Variants in KCTD19 observed in about 807,000 individuals in gnomAD.
KCTD19 encodes the protein potassium channel tetramerization domain containing 19, also known as BTB/POZ domain-containing protein KCTD19.
In KCTD19, 67 loss-of-function variants were observed where a neutral mutation model predicts 103.5. The observed-to-expected ratio is 0.65, with a 90% CI of 0.53 to 0.79. KCTD19 has a LOEUF of 0.79. KCTD19 is among the 30% of genes least tolerant of loss of function. The pLI is 0.00. For synonymous variants in KCTD19, 439 were observed against 452.2 expected (o/e 0.97, Z 0.37); for missense variants, 980 against 1,136.1 (o/e 0.86, Z 1.98).
At chr16:67,301,629 T>C (rs1232243162) in intron 5 of KCTD19, among the ~76,000 whole-genome samples, 162 bp downstream of exon 5, 1 of 152,126 alleles carries the variant, frequency 6.6e-6, no homozygotes, top group Admixed American at 6.5e-5. Context: ...ACACAGGGTT[T>C]CAGGCTGTGA....
chr16:67,295,497 A>C (rs1319535094), intron 8 of KCTD19, 92 bp from the exon 9 acceptor site: 1 of 1,214,974 alleles, frequency 8.2e-7, no homozygotes. Flanking sequence ...TTCCAACTAC[A>C]CTAGAGCAGA....
chr16:67,306,949 C>T (rs1200168471), intron 2 of KCTD19, among the ~76,000 whole-genome samples: 1 of 152,106 alleles, frequency 6.6e-6, no homozygotes, highest in Non-Finnish European at 1.5e-5. Flanking sequence ...AAGCTAGGTC[C>T]AGGAAGAGGT....
chr16:67,311,439 A>C (rs796487441), intron 2 of KCTD19, among the ~76,000 whole-genome samples: 30 of 152,062 alleles, frequency 2.0e-4, no homozygotes, highest in African/African-American at 7.0e-4. Flanking sequence ...AATAGCTGGG[A>C]TTACAGTTGC....
intron 1 of KCTD19, 81 bp downstream of exon 1, chr16:67,326,624 C>G: frequency 1.3e-6 from 2 of 1,535,100 alleles, no homozygotes; most frequent in South Asian, 2.4e-5. Context: ...TCTCGAACCA[C>G]TTAGCCCCAA....
At chr16:67,290,473 C>T (rs887861980) in intron 15 of KCTD19, among the ~76,000 whole-genome samples, 4 of 152,096 alleles carry the variant, frequency 2.6e-5, no homozygotes, top group South Asian at 4.1e-4. Context: ...CCACCGCGCC[C>T]GGCCTAAGAA....
chr16:67,315,394 A>G (rs1477673818), intron 2 of KCTD19, among the ~76,000 whole-genome samples: 2 of 135,010 alleles, frequency 1.5e-5, no homozygotes, highest in Non-Finnish European at 3.2e-5. Context: ...CAACCTCCAC[A>G]TCCTGGATTC....
In KCTD19 at chr16:67,294,978, T is replaced by C. The variant is rs1197273560; in HGVS notation, c.1470A>G (p.Ala490=). 6.2e-7 allele frequency: 1 copy of C among 1,611,574 alleles called. No homozygotes were observed. Among genetic ancestry groups the C allele is most frequent in the South Asian group, 1.1e-5 (1 of 91,014 alleles). The change falls in exon 10 of 16, where the codon GCA becomes GCG. Residue 490 remains alanine, a synonymous_variant. Coordinates refer to ENST00000304372, the MANE Select transcript of KCTD19 (RefSeq NM_001100915.3). ...SLSEALAQCE[A]YKSWTQEKES... ...TCGTGATAAAGTTTTCTTACTTGTA[T>C]GCTTCACATTGTGCAAGGGCTTCTG...
chr16:67,324,367 G>A (rs911468278), intron 1 of KCTD19, among the ~76,000 whole-genome samples: 18 of 152,084 alleles, frequency 1.2e-4, no homozygotes, highest in African/African-American at 3.6e-4. Context: ...AAACAATATC[G>A]AATTCTAATT....
At chr16:67,307,579 G>T (rs1242999149) in intron 2 of KCTD19, among the ~76,000 whole-genome samples, 2 of 152,066 alleles carry the variant, frequency 1.3e-5, no homozygotes, top group South Asian at 4.2e-4. Flanking sequence ...GCCTCCCAAA[G>T]TACTGGGATT....
chr16:67,290,030 C>A (rs2036659617), intron 15 of KCTD19, among the ~76,000 whole-genome samples: 1 of 152,136 alleles, frequency 6.6e-6, no homozygotes, highest in Non-Finnish European at 1.5e-5. Context: ...TATAATAATG[C>A]TCTTGATTAT....
At chr16:67,302,035 C>G (rs1357783244) in intron 4 of KCTD19, 113 bp from the exon 5 acceptor site, 17 of 937,424 alleles carry the variant, frequency 1.8e-5, no homozygotes, top group Non-Finnish European at 2.7e-5. Context: ...TCTCCTTGTT[C>G]TGAAACAACT....
At chr16:67,324,346 A>AC (rs2037107057) in intron 1 of KCTD19, among the ~76,000 whole-genome samples, 1 of 152,234 alleles carries the variant, frequency 6.6e-6, no homozygotes, top group Non-Finnish European at 1.5e-5. Flanking sequence ...TTTTACCTAA[A>AC]AAGAACCATA....
intron 8 of KCTD19, 62 bp downstream of exon 8, chr16:67,296,097 C>T: frequency 1.0e-6 from 1 of 964,694 alleles, no homozygotes; most frequent in Non-Finnish European, 1.7e-6. Flanking sequence ...CAGGTGATGG[C>T]CCCCAGAGCA....
chr16:67,296,040 G>C (rs2142504073), intron 8 of KCTD19, 119 bp downstream of exon 8: 2 of 698,730 alleles, frequency 2.9e-6, no homozygotes, highest in Middle Eastern at 3.6e-4. Context: ...ACCGTGCCTG[G>C]CGGGAAAGCC....
chr16:67,304,390 C>T (rs1429686822), intron 3 of KCTD19, 31 bp downstream of exon 3: 1 of 1,611,280 alleles, frequency 6.2e-7, no homozygotes, highest in African/African-American at 1.3e-5. Context: ...TTGGTGTGGG[C>T]TTTAGGGAGG....
At chr16:67,325,334 C>T (rs916436331) in intron 1 of KCTD19, among the ~76,000 whole-genome samples, 2 of 151,476 alleles carry the variant, frequency 1.3e-5, no homozygotes, top group East Asian at 1.9e-4. Context: ...CCTCCAGCCT[C>T]CTCAAGTAGC....
intron 1 of KCTD19, 69 bp downstream of exon 1, chr16:67,326,636 C>G: frequency 1.3e-6 from 2 of 1,547,342 alleles, no homozygotes; most frequent in Non-Finnish European, 1.7e-6. Flanking sequence ...TAGCCCCAAT[C>G]CTTGGCCACA....
rs368013941 is a variant in KCTD19 at position 67,303,131 on chromosome 16, G to A, written c.643+15C>T. ...ATCAGCCCGCCCCCCACCCCACCCCGGACAGAGCAATCACCAATGAAGCGG... is the reference window on the plus strand; with the variant it reads ...ATCAGCCCGCCCCCCACCCCACCCCAGACAGAGCAATCACCAATGAAGCGG... On this transcript the variant is annotated intron_variant, in intron 4 of 15. Transcript: ENST00000304372. The surrounding 1 kb of genome is among the most constrained non-coding windows in gnomAD (Gnocchi z 4.3). 25 of 1,479,626 alleles carry A rather than the reference G, an allele frequency of 1.7e-5. No individual in the cohort carries two copies. The highest frequency in any genetic ancestry group is 2.1e-5 in the Non-Finnish European group (23 of 1,078,764). The allele number at this position is 1,479,626 out of a possible 1,614,324, so 91.7% of individuals were successfully genotyped here.
chr16:67,306,979 G>A (rs1481168783), intron 2 of KCTD19, among the ~76,000 whole-genome samples: 3 of 152,114 alleles, frequency 2.0e-5, no homozygotes, highest in African/African-American at 4.8e-5. Context: ...AGTGCACCAA[G>A]TAAGTGGAGA....
Sources: gnomAD v4.1 joint callset for allele counts (sites outside exome capture counted in the v4.1 genomes callset) on GRCh38, gnomAD v4.1.1 for gene constraint, Gnocchi (gnomAD v3.1) non-coding constraint, MANE v1.5 for transcripts, NCBI Gene and HGNC (gene_info 2026-07-23, HGNC 2026-07-21) for gene names.